The following PLEKHH2 variants were observed in gnomAD, a reference collection of about 807,000 sequenced individuals.
The protein encoded by PLEKHH2 is pleckstrin homology, MyTH4 and FERM domain containing H2.
Under a neutral mutation model 187.9 loss-of-function variants are expected in PLEKHH2, and 129 were observed. The observed-to-expected ratio is 0.69, with a 90% CI of 0.59 to 0.79. PLEKHH2 has a LOEUF of 0.79. PLEKHH2 is among the 30% of genes least tolerant of loss of function. PLEKHH2 has a pLI of 0.00. For synonymous variants in PLEKHH2, 686 were observed against 605.6 expected, an observed-to-expected ratio of 1.13 and a Z score of -1.95; for missense variants, 2,076 against 1,751.2, an observed-to-expected ratio of 1.19 and a Z score of -3.31.
chr2:43,707,314 G>A (rs762832513), intron 10 of PLEKHH2, 87 bp from the exon 11 acceptor site: 1 of 1,497,116 alleles, frequency 6.7e-7, no homozygotes, highest in African/African-American at 1.4e-5. Flanking sequence ...TTTTCTTTAG[G>A]AGGCGACCCT....
intron 1 of PLEKHH2, among the ~76,000 whole-genome samples, chr2:43,644,367 G>T (rs1228689265): frequency 6.6e-6 from 1 of 152,104 alleles, no homozygotes; most frequent in Non-Finnish European, 1.5e-5. Flanking sequence ...TACCCACAAG[G>T]AATAATGGTT....
At chr2:43,639,868 G>T (rs577415041) in intron 1 of PLEKHH2, among the ~76,000 whole-genome samples, 106 of 152,138 alleles carry the variant, frequency 7.0e-4, no homozygotes, top group Non-Finnish European at 1.2e-3. Context: ...TGTTGGCCAG[G>T]CTTGTCTTGA....
At chr2:43,654,990 C>T (rs1031756576) in intron 2 of PLEKHH2, among the ~76,000 whole-genome samples, 1 of 151,746 alleles carries the variant, frequency 6.6e-6, no homozygotes, top group East Asian at 1.9e-4. Flanking sequence ...GAGATCATGC[C>T]ACTGCACTCC....
At position 43,703,996 on chromosome 2, in the gene PLEKHH2, G is replaced by A. The variant is rs776999539; in HGVS notation, c.1666G>A (p.Ala556Thr). 3 of 1,473,632 alleles carry A rather than the reference G, an allele frequency of 2.0e-6. No homozygotes were observed. The highest frequency in any genetic ancestry group is 1.1e-5 in the South Asian group (1 of 88,514). 91.3% of individuals were successfully genotyped at this position (1,473,632 alleles called of 1,614,324 possible). The change falls in exon 9 of 30, where the codon GCT (alanine) becomes ACT (threonine). Residue 556 changes from alanine (A) to threonine (T), a missense_variant. Coordinates refer to ENST00000282406, the MANE Select transcript of PLEKHH2 (RefSeq NM_172069.4). Reference sequence around the variant, plus strand: ...TTTACCCTAGGAAAGCAGAATTTATGCTGTAGCCAAATCAGGTATTCGAAT... The same window carrying A: ...TTTACCCTAGGAAAGCAGAATTTATACTGTAGCCAAATCAGGTATTCGAAT... ...RFPSWESRIY[A>T]VAKSGIRMSE...
chr2:43,702,470 T>G lies in PLEKHH2; in HGVS notation c.1651-1511T>G, dbSNP rs189123616. On this transcript the variant is annotated intron_variant, in intron 8 of 29. Transcript: ENST00000282406. ...TTTGCCTATCTTATGATGTTGAGAT[T>G]TTCAGAGATTTAGGTTAGGCTTTTA... Among the ~76,000 whole-genome samples, 29 of 151,512 alleles carry G rather than the reference T, an allele frequency of 1.9e-4. No homozygotes were observed. In the East Asian group the frequency reaches 5.6e-3, roughly 29 times the overall value.
chr2:43,670,605 G>T (rs1332963916), intron 2 of PLEKHH2, among the ~76,000 whole-genome samples: 4 of 146,640 alleles, frequency 2.7e-5, no homozygotes, highest in African/African-American at 1.0e-4. Flanking sequence ...CTTGATGTCA[G>T]GTATTGTGAA....
In PLEKHH2 at chr2:43,728,537, T is replaced by C. The variant is rs530642834; in HGVS notation, c.2722-1100T>C. On this transcript the variant is annotated intron_variant, in intron 17 of 29. Coordinates refer to ENST00000282406, the MANE Select transcript of PLEKHH2 (RefSeq NM_172069.4). ...GTTAGTAAATGTAGCCAAAAATTTATGTATAGTTTGTTCAACACAATACTC... is the reference window on the plus strand; with the variant it reads ...GTTAGTAAATGTAGCCAAAAATTTACGTATAGTTTGTTCAACACAATACTC... 2.1e-4 allele frequency among the ~76,000 whole-genome samples: 31 copies of C among 149,422 alleles called. 1 individual carries two copies. In the South Asian group the frequency reaches 6.2e-3, roughly 30 times the overall value.
At chr2:43,683,770 ATCTC>A (rs961125783) in intron 3 of PLEKHH2, among the ~76,000 whole-genome samples, 70 of 147,588 alleles carry the variant, frequency 4.7e-4, no homozygotes, top group African/African-American at 1.7e-3. Context: ...ATGTCTAGTT[ATCTC>A]TCTCTCTCTC....
intron 20 of PLEKHH2, 124 bp downstream of exon 20, chr2:43,738,644 T>G: frequency 1.1e-6 from 1 of 928,062 alleles, no homozygotes; most frequent in Non-Finnish European, 1.5e-6. Flanking sequence ...AAAATAGGTA[T>G]TAATATTTTG....
At chr2:43,728,986 C>T (rs1026013466) in intron 17 of PLEKHH2, among the ~76,000 whole-genome samples, 4 of 152,098 alleles carry the variant, frequency 2.6e-5, no homozygotes, top group Admixed American at 2.6e-4. Flanking sequence ...AGTTAGTAAC[C>T]ATCATAATGT....
intron 15 of PLEKHH2, among the ~76,000 whole-genome samples, chr2:43,718,906 C>T (rs12105204): frequency 0.13 from 20,098 of 152,062 alleles, 1,892 homozygotes; most frequent in African/African-American, 0.26. Context: ...TCCATCAAAC[C>T]GTTAGGTGGT....
chr2:43,668,804 C>G (rs747971914), intron 2 of PLEKHH2, among the ~76,000 whole-genome samples: 1 of 152,118 alleles, frequency 6.6e-6, no homozygotes. Context: ...GAGACCCTAT[C>G]CCCAAAACAA....
chr2:43,716,815 A>G (rs1670234498), intron 15 of PLEKHH2, among the ~76,000 whole-genome samples: 1 of 152,234 alleles, frequency 6.6e-6, no homozygotes, highest in Admixed American at 6.5e-5. Flanking sequence ...AGAGGGAATA[A>G]TATAATGAGC....
In PLEKHH2 at chr2:43,764,266, C is replaced by G. The variant is rs1335180924; in HGVS notation, c.4197C>G (p.Thr1399=). The part of the protein sequence containing the change: ...IVSYVYKSLM[T]FGGYQDDFMV... The stretch of plus-strand genomic sequence containing the variant: ...GCTATGTGTACAAGAGTCTAATGAC[C>G]TTTGGAGGCTATCAAGATGATTTTA... The change falls in exon 29 of 30, where the codon ACC becomes ACG. Residue 1399 remains threonine, a synonymous_variant. Coordinates refer to ENST00000282406, the MANE Select transcript of PLEKHH2 (RefSeq NM_172069.4). 1.9e-6 allele frequency: 3 copies of G among 1,578,740 alleles called. No homozygotes were observed. The highest frequency in any genetic ancestry group is 1.7e-6 in the Non-Finnish European group (2 of 1,159,462).
chr2:43,710,175 C>T lies in PLEKHH2; in HGVS notation c.2104-45C>T, dbSNP rs933200809. The T allele has an allele frequency of 1.9e-6, 3 of 1,610,926 alleles. No individual in the cohort carries two copies. In the African/African-American group the frequency reaches 4.0e-5, roughly 22 times the overall value. On this transcript the variant is annotated intron_variant, in intron 12 of 29. Coordinates refer to ENST00000282406, the MANE Select transcript of PLEKHH2 (RefSeq NM_172069.4). ...AAAAGCAGTCAGTCAGATTGAGCCTCCAAAAGGAAACTGAAAATGCTTTTG... is the reference window on the plus strand; with the variant it reads ...AAAAGCAGTCAGTCAGATTGAGCCTTCAAAAGGAAACTGAAAATGCTTTTG...
Position 43,753,775 on chromosome 2 carries a change from A to G in PLEKHH2, c.3795+15A>G. ...TTTTATCTCAGGTAACTTCCATGTT[A>G]TATGGAGTAATATATTGAAATAATA... On this transcript the variant is annotated intron_variant, in intron 25 of 29. Coordinates refer to ENST00000282406, the MANE Select transcript of PLEKHH2 (RefSeq NM_172069.4). The G allele has an allele frequency of 6.6e-7, 1 of 1,511,526 alleles. No individual in the cohort carries two copies. Among genetic ancestry groups the G allele is most frequent in the Non-Finnish European group, 8.9e-7 (1 of 1,124,462 alleles). The allele number at this position is 1,511,526 out of a possible 1,614,324, so 93.6% of individuals were successfully genotyped here.
chr2:43,684,592 G>A (rs1057188481), intron 3 of PLEKHH2, among the ~76,000 whole-genome samples: 2 of 151,826 alleles, frequency 1.3e-5, no homozygotes, highest in African/African-American at 4.8e-5. Context: ...CCAGTGAGGA[G>A]TCTTTAAAAA....
chr2:43,645,764 C>T (rs1666153598), intron 2 of PLEKHH2, among the ~76,000 whole-genome samples: 1 of 152,018 alleles, frequency 6.6e-6, no homozygotes, highest in Non-Finnish European at 1.5e-5. Flanking sequence ...ACCTGTGGCT[C>T]ATATTATATT....
chr2:43,699,126 T>C (rs1276891111), intron 7 of PLEKHH2, among the ~76,000 whole-genome samples: 1 of 152,180 alleles, frequency 6.6e-6, no homozygotes, highest in Admixed American at 6.5e-5. Flanking sequence ...CTGTTCATTT[T>C]TTTGGTGACT....
Sources: allele counts gnomAD v4.1 joint callset (sites outside exome capture counted in the v4.1 genomes callset), GRCh38; gene constraint gnomAD v4.1.1; transcripts MANE v1.5; gene names NCBI Gene and HGNC (gene_info 2026-07-23, HGNC 2026-07-21).